Variants in ARHGEF37 observed in about 807,000 individuals in gnomAD.
ARHGEF37 encodes the protein Rho guanine nucleotide exchange factor (GEF) 37.
Under a neutral mutation model 71.1 loss-of-function variants are expected in ARHGEF37, and 55 were observed. The ratio of observed to expected loss-of-function variants is 0.77; its 90% CI spans 0.62 to 0.97. The LOEUF (loss-of-function observed/expected upper bound fraction) is 0.97, where lower values mean the gene tolerates loss of function less well. Ranked by LOEUF, ARHGEF37 falls within the 50% of genes least tolerant of loss-of-function variation. ARHGEF37 has a pLI of 0.00. For synonymous variants in ARHGEF37, 327 were observed against 350.6 expected (o/e 0.93, Z 0.75); for missense variants, 765 against 836.8 (o/e 0.91, Z 1.06).
At chr5:149,628,397 AC>A (rs1752763793) in intron 11 of ARHGEF37, among the ~76,000 whole-genome samples, 2 of 152,206 alleles carry the variant, frequency 1.3e-5, no homozygotes, top group African/African-American at 4.8e-5. Flanking sequence ...ACATAAAGGA[AC>A]TGGGCTCACA....
At chr5:149,591,019 C>A (rs1466362797) in intron 1 of ARHGEF37, among the ~76,000 whole-genome samples, 2 of 152,150 alleles carry the variant, frequency 1.3e-5, no homozygotes, top group East Asian at 1.9e-4. Context: ...TAAGATGTAA[C>A]CACTGGGGAA....
intron 4 of ARHGEF37, among the ~76,000 whole-genome samples, chr5:149,614,769 CCACCTGCTCT>C (rs1752327977): frequency 2.6e-5 from 4 of 152,160 alleles, no homozygotes; most frequent in Admixed American, 2.6e-4. Context: ...TGAGGGGCTC[CCACCTGCTCT>C]GCCTATTCTT....
At chr5:149,626,366 C>T (rs890607027) in intron 10 of ARHGEF37, among the ~76,000 whole-genome samples, 2 of 152,088 alleles carry the variant, frequency 1.3e-5, no homozygotes, top group Non-Finnish European at 2.9e-5. Flanking sequence ...GGACAAGCAT[C>T]CCTGAGTCTC....
At chr5:149,576,918 T>C (rs912539612), upstream of ARHGEF37, among the ~76,000 whole-genome samples, 3 of 151,738 alleles carry the variant, frequency 2.0e-5, no homozygotes, top group African/African-American at 7.3e-5. Context: ...ATCGTGCCAC[T>C]GCACTCCAGA....
chr5:149,557,063 G>A (rs1019284266), intron 1 of ARHGEF37, among the ~76,000 whole-genome samples: 2 of 152,210 alleles, frequency 1.3e-5, no homozygotes, highest in Admixed American at 1.3e-4. Flanking sequence ...CTATGACAGT[G>A]TTTTGCGGTG....
intron 3 of ARHGEF37, among the ~76,000 whole-genome samples, chr5:149,609,193 CA>C (rs994794039): frequency 2.6e-5 from 4 of 150,964 alleles, no homozygotes; most frequent in Admixed American, 2.6e-4. Flanking sequence ...TCAAAAGAAA[CA>C]AAAAAACAAA....
At chr5:149,606,320 C>G (rs553155130) in intron 3 of ARHGEF37, among the ~76,000 whole-genome samples, 3 of 152,318 alleles carry the variant, frequency 2.0e-5, no homozygotes, top group Admixed American at 6.5e-5. Flanking sequence ...GGGGCTTCTC[C>G]TGGGAGTTCT....
chr5:149,572,137 T>C (rs965864728), intron 1 of ARHGEF37, among the ~76,000 whole-genome samples: 1 of 152,052 alleles, frequency 6.6e-6, no homozygotes, highest in African/African-American at 2.4e-5. Flanking sequence ...AGTCCAGAAA[T>C]AGAACCACCT....
intron 1 of ARHGEF37, among the ~76,000 whole-genome samples, chr5:149,584,210 G>A (rs1307649095): frequency 2.0e-5 from 3 of 152,168 alleles, no homozygotes; most frequent in Non-Finnish European, 2.9e-5. Context: ...AAAAAACTGT[G>A]TTGTCTCCTT....
intron 3 of ARHGEF37, 25 bp from the exon 4 acceptor site, chr5:149,609,523 C>T (rs1280862916): frequency 5.6e-6 from 9 of 1,612,454 alleles, no homozygotes; most frequent in Non-Finnish European, 6.8e-6. Context: ...CCCTTGACGA[C>T]CCCTTGTTGC....
intron 1 of ARHGEF37, among the ~76,000 whole-genome samples, chr5:149,575,983 T>C (rs1227316317): frequency 6.6e-6 from 1 of 152,018 alleles, no homozygotes; most frequent in Non-Finnish European, 1.5e-5. Context: ...CAGTGGCTCA[T>C]GCCTGTAATC....
At chr5:149,599,326 GCT>G (rs1482972397) in intron 2 of ARHGEF37, among the ~76,000 whole-genome samples, 1 of 152,050 alleles carries the variant, frequency 6.6e-6, no homozygotes, top group Non-Finnish European at 1.5e-5. Flanking sequence ...GAGGGGCTGG[GCT>G]CTGTCCCCTC....
At chr5:149,601,048 C>A in intron 2 of ARHGEF37, 60 bp from the exon 3 acceptor site, 1 of 1,571,638 alleles carries the variant, frequency 6.4e-7, no homozygotes, top group Non-Finnish European at 8.7e-7. Context: ...CTCTCAAAAG[C>A]CTGCAAATAC....
At chr5:149,594,204 T>A (rs957721691) in intron 1 of ARHGEF37, among the ~76,000 whole-genome samples, 2 of 152,216 alleles carry the variant, frequency 1.3e-5, no homozygotes, top group Non-Finnish European at 2.9e-5. Context: ...TTAACCTAAG[T>A]GCAAATTAAT....
At chr5:149,577,124 T>G (rs1411589968), upstream of ARHGEF37, among the ~76,000 whole-genome samples, 3 of 152,186 alleles carry the variant, frequency 2.0e-5, no homozygotes, top group Non-Finnish European at 2.9e-5. Context: ...CCCAGTCACC[T>G]ATGAGCTATA....
chr5:149,573,543 A>G (rs1762994963), intron 1 of ARHGEF37, among the ~76,000 whole-genome samples: 1 of 152,186 alleles, frequency 6.6e-6, no homozygotes, highest in Admixed American at 6.6e-5. Flanking sequence ...TTACTCTTCA[A>G]CTTCTTACCT....
At chr5:149,590,537 C>A (rs1383712426) in intron 1 of ARHGEF37, among the ~76,000 whole-genome samples, 1 of 151,868 alleles carries the variant, frequency 6.6e-6, no homozygotes, top group South Asian at 2.1e-4. Flanking sequence ...ACCTTGGCCT[C>A]CCAAAGTGTT....
Position 149,633,990 on chromosome 5 carries a change from G to C in ARHGEF37, c.*1799G>C, listed in dbSNP as rs1331561950. 6.6e-6 allele frequency: 1 copy of C among 152,184 alleles called. No homozygotes were observed. The highest frequency in any genetic ancestry group is 6.5e-5 in the Admixed American group (1 of 15,278). The allele number at this position is 152,184 out of a possible 1,614,324, so 9.4% of individuals were successfully genotyped here. On this transcript the variant is annotated 3_prime_UTR_variant, in exon 13 of 13. Coordinates refer to ENST00000333677, the MANE Select transcript of ARHGEF37 (RefSeq NM_001001669.3). The stretch of plus-strand genomic sequence containing the variant: ...GCATAGGGGAACAGATAATGAAATA[G>C]GAAACCCACTCGTGGGTTCCACAGA...
intron 1 of ARHGEF37, among the ~76,000 whole-genome samples, chr5:149,557,804 C>A (rs972943494): frequency 6.6e-6 from 1 of 150,748 alleles, no homozygotes; most frequent in African/African-American, 2.4e-5. Flanking sequence ...TATATTTATT[C>A]TTTTGATTCA....
Sources: allele counts gnomAD v4.1 joint callset (sites outside exome capture counted in the v4.1 genomes callset), GRCh38; gene constraint gnomAD v4.1.1; transcripts MANE v1.5; gene names NCBI Gene and HGNC (gene_info 2026-07-23, HGNC 2026-07-21).